Variants in PDE4D observed in about 807,000 individuals in gnomAD.
The protein encoded by PDE4D is phosphodiesterase 4D.
PDE4D carries 24 observed loss-of-function variants against 87.4 expected under a neutral mutation model. The ratio of observed to expected loss-of-function variants is 0.27; its 90% CI spans 0.20 to 0.39. PDE4D has a LOEUF of 0.39. Among genes scored for constraint, PDE4D ranks in the 10% least tolerant of loss-of-function variants. The probability of loss-of-function intolerance (pLI) is 1.00; values close to 1 mark genes in which losing one functional copy is unlikely to be tolerated. For synonymous variants in PDE4D, 384 were observed against 383.2 expected (o/e 1.00, Z -0.02); for missense variants, 714 against 1,041.0 (o/e 0.69, Z 4.32).
intron 1 of PDE4D, among the ~76,000 whole-genome samples, chr5:60,378,336 C>T (rs1761586951): frequency 6.6e-6 from 1 of 152,140 alleles, no homozygotes; most frequent in Non-Finnish European, 1.5e-5. Context: ...TACTCTACTC[C>T]TAATACCAGG....
intron 5 of PDE4D, among the ~76,000 whole-genome samples, chr5:59,126,715 G>A (rs1008606680): frequency 3.9e-5 from 6 of 152,014 alleles, no homozygotes; most frequent in Admixed American, 6.6e-5. Flanking sequence ...TTTGTTTCCC[G>A]GCTAACATTT....
chr5:59,627,161 C>A (rs1466295307), intron 1 of PDE4D, among the ~76,000 whole-genome samples: 1 of 152,158 alleles, frequency 6.6e-6, no homozygotes, highest in Non-Finnish European at 1.5e-5. Context: ...ATTTTTAGTT[C>A]TTCAGGTAAT....
intron 1 of PDE4D, among the ~76,000 whole-genome samples, chr5:59,445,075 C>T (rs1798158667): frequency 6.6e-6 from 1 of 152,142 alleles, no homozygotes; most frequent in Non-Finnish European, 1.5e-5. Flanking sequence ...AGAGAATGTC[C>T]TGTCCTTCCC....
chr5:60,227,347 AG>A (rs1745235648), intron 1 of PDE4D, among the ~76,000 whole-genome samples: 1 of 152,062 alleles, frequency 6.6e-6, no homozygotes, highest in South Asian at 2.1e-4. Flanking sequence ...GTATGTAAAA[AG>A]GATAGTGAGA....
chr5:59,333,266 T>C (rs35264), intron 1 of PDE4D, among the ~76,000 whole-genome samples: 118,294 of 152,034 alleles, frequency 0.78, 46,689 homozygotes, highest in African/African-American at 0.9. Context: ...CTCTGTTATC[T>C]TCTTTTTTTT....
chr5:59,681,148 AAG>A (rs1050380004), intron 1 of PDE4D, among the ~76,000 whole-genome samples: 1 of 152,148 alleles, frequency 6.6e-6, no homozygotes, highest in Non-Finnish European at 1.5e-5. Context: ...ATAAAAGAAC[AAG>A]AGTCTCATAT....
At chr5:59,556,714 C>T (rs1476779178) in intron 1 of PDE4D, among the ~76,000 whole-genome samples, 1 of 152,098 alleles carries the variant, frequency 6.6e-6, no homozygotes, top group South Asian at 2.1e-4. Context: ...CACTATGACT[C>T]TTATTATTGA....
chr5:59,214,197 C>T (rs1750738753), intron 2 of PDE4D, among the ~76,000 whole-genome samples: 2 of 152,066 alleles, frequency 1.3e-5, no homozygotes, highest in Admixed American at 6.6e-5. Context: ...ACATGAAATA[C>T]TTCCCTGTAG....
At chr5:59,199,973 CATACATAT>C (rs1268247750) in intron 2 of PDE4D, among the ~76,000 whole-genome samples, 5 of 150,538 alleles carry the variant, frequency 3.3e-5, no homozygotes, top group African/African-American at 1.2e-4. Context: ...CAGGCACATA[CATACATAT>C]ATACACATGC....
At chr5:59,407,030 C>T (rs1791796595) in intron 1 of PDE4D, among the ~76,000 whole-genome samples, 1 of 152,168 alleles carries the variant, frequency 6.6e-6, no homozygotes, top group African/African-American at 2.4e-5. Flanking sequence ...AATGATTTAA[C>T]TGGACTTGTA....
chr5:60,052,189 A>T (rs1221267565), intron 2 of PDE4D, among the ~76,000 whole-genome samples: 2 of 152,256 alleles, frequency 1.3e-5, no homozygotes, highest in Non-Finnish European at 2.9e-5. Flanking sequence ...AACTCATTTT[A>T]TGAAGCCAGT....
rs180868040 is a variant in PDE4D at position 59,667,727 on chromosome 5, C to T, written c.455+225441G>A. 2.6e-5 allele frequency among the ~76,000 whole-genome samples: 4 copies of T among 152,278 alleles called. No homozygotes were observed. In the East Asian group the frequency reaches 7.7e-4, roughly 29 times the overall value. ...CTGTAGCATCTGTCCCTGAGTCTTT[C>T]CATATCTATAGTCATCAAACTTAGC... is the stretch of plus-strand genomic sequence containing the variant. On this transcript the variant is annotated intron_variant, in intron 1 of 14. Coordinates refer to ENST00000340635, the MANE Select transcript of PDE4D (RefSeq NM_001104631.2).
At chr5:59,442,322 T>G (rs1420520175) in intron 1 of PDE4D, among the ~76,000 whole-genome samples, 2 of 152,164 alleles carry the variant, frequency 1.3e-5, no homozygotes, top group African/African-American at 4.8e-5. Context: ...GACTGGGGAA[T>G]GAAAATGTGG....
chr5:60,065,831 T>A (rs572227374), intron 2 of PDE4D, among the ~76,000 whole-genome samples: 1 of 152,200 alleles, frequency 6.6e-6, no homozygotes, highest in Non-Finnish European at 1.5e-5. Flanking sequence ...ATCCAGTCTA[T>A]CGTTGTTGGA....
intron 1 of PDE4D, among the ~76,000 whole-genome samples, chr5:59,565,956 G>A (rs943904627): frequency 2.0e-5 from 3 of 152,058 alleles, no homozygotes; most frequent in Non-Finnish European, 4.4e-5. Flanking sequence ...CAATGAAACT[G>A]GGAGTGCTTT....
chr5:60,489,363 A>G (rs1749394258), upstream of PDE4D, among the ~76,000 whole-genome samples: 2 of 152,378 alleles, frequency 1.3e-5, no homozygotes, highest in Middle Eastern at 6.8e-3. Context: ...GGACTTATAA[A>G]ATCCTAAGGC....
chr5:60,153,386 A>T (rs2149445935), intron 2 of PDE4D, among the ~76,000 whole-genome samples: 1 of 152,316 alleles, frequency 6.6e-6, no homozygotes, highest in Middle Eastern at 3.4e-3. Flanking sequence ...GTTAGTAAGG[A>T]TGTAAAGGAA....
At chr5:60,321,747 T>G (rs867752774) in intron 1 of PDE4D, among the ~76,000 whole-genome samples, 50 of 152,188 alleles carry the variant, frequency 3.3e-4, no homozygotes, top group Middle Eastern at 3.4e-3. Flanking sequence ...TGAACAGACA[T>G]TTTTCAGAAG....
chr5:59,880,208 C>A (rs1051686095), intron 1 of PDE4D, among the ~76,000 whole-genome samples: 1 of 152,016 alleles, frequency 6.6e-6, no homozygotes, highest in African/African-American at 2.4e-5. Flanking sequence ...TGGGCTCAAG[C>A]GATCCTCCTA....
Sources: allele counts gnomAD v4.1 joint callset (sites outside exome capture counted in the v4.1 genomes callset), GRCh38; gene constraint gnomAD v4.1.1; transcripts MANE v1.5; gene names NCBI Gene and HGNC (gene_info 2026-07-23, HGNC 2026-07-21).